The following PDE6A variants were observed in gnomAD, a reference collection of about 807,000 sequenced individuals.
PDE6A encodes rod cGMP-specific 3',5'-cyclic phosphodiesterase subunit alpha.
Under a neutral mutation model 106.3 loss-of-function variants are expected in PDE6A, and 84 were observed. The observed-to-expected ratio is 0.79, with a 90% CI of 0.66 to 0.95. The LOEUF (loss-of-function observed/expected upper bound fraction) is 0.95, where lower values mean the gene tolerates loss of function less well. Among genes scored for constraint, PDE6A ranks in the 40% least tolerant of loss-of-function variants. The pLI is 0.00. For synonymous variants in PDE6A, 394 were observed against 386.6 expected, an observed-to-expected ratio of 1.02 and a Z score of -0.23; for missense variants, 1,052 against 1,084.9, an observed-to-expected ratio of 0.97 and a Z score of 0.43.
At chr5:149,880,373 G>A (rs1398684430) in intron 17 of PDE6A, among the ~76,000 whole-genome samples, 4 of 152,100 alleles carry the variant, frequency 2.6e-5, no homozygotes, top group Non-Finnish European at 4.4e-5. Flanking sequence ...GAGCCATTTT[G>A]AAATGTCCAG....
At chr5:149,894,054 G>A (rs1042907766) in intron 13 of PDE6A, among the ~76,000 whole-genome samples, 1 of 152,172 alleles carries the variant, frequency 6.6e-6, no homozygotes, top group Non-Finnish European at 1.5e-5. Context: ...ATTTAAAGCT[G>A]ATTATACATT....
In PDE6A at chr5:149,884,867, T is replaced by C; in HGVS notation, c.1839A>G (p.Lys613=). The change falls in exon 15 of 22, where the codon AAA becomes AAG. Residue 613 remains lysine (K), a splice_region_variant and synonymous_variant. Transcript: ENST00000255266. ...GGAGCTTGGCCAGTGGGTTCTGGGA[T>C]CTGAATGAGAAAGAGAGAGAATCAA... is the stretch of plus-strand genomic sequence containing the variant. The part of the protein sequence containing the change: ...HRGTNNLYQM[K]SQNPLAKLHG... 6.2e-7 allele frequency: 1 copy of C among 1,611,930 alleles called. No individual in the cohort carries two copies.
intron 8 of PDE6A, among the ~76,000 whole-genome samples, chr5:149,900,548 A>G (rs967642089): frequency 6.6e-6 from 1 of 151,696 alleles, no homozygotes; most frequent in East Asian, 1.9e-4. Flanking sequence ...AGAGAGTTAC[A>G]TTATGGAACT....
chr5:149,911,993 A>G lies in PDE6A; in HGVS notation c.998+2950T>C, dbSNP rs146627101. Among the ~76,000 whole-genome samples, 23 of 152,276 alleles carry G rather than the reference A, an allele frequency of 1.5e-4. No homozygotes were observed. The East Asian group carries it at 4.2e-3, about 28-fold the overall frequency. On this transcript the variant is annotated intron_variant, in intron 6 of 21. Transcript: ENST00000255266. The stretch of plus-strand genomic sequence containing the variant: ...CATAGTGAGACTGTCTCTATAAAAC[A>G]CTAACACGCTAATTAAATAAATAAA...
intron 10 of PDE6A, 148 bp from the exon 11 acceptor site, chr5:149,896,924 G>T: frequency 1.1e-6 from 1 of 882,652 alleles, no homozygotes; most frequent in Non-Finnish European, 1.8e-6. Flanking sequence ...GATGCACAAG[G>T]TCCTGGGCTT....
Position 149,895,246 on chromosome 5 carries a change from CT to C in PDE6A, c.1664del (p.Lys555ArgfsTer22), listed in dbSNP as rs2113582639. On this transcript the variant is annotated frameshift_variant, in exon 13 of 22. Transcript: ENST00000255266. LOFTEE classifies it high-confidence loss of function. ...CGTGCCGCCAGTTGTGGTAGGTGATCTTGCGGTAGCCCTTACTCAGGGAGTA... is the reference window on the plus strand; with the variant it reads ...CGTGCCGCCAGTTGTGGTAGGTGATCTGCGGTAGCCCTTACTCAGGGAGTA... ...FMYSLSKGYR[K>X]ITYHNWRHGF... 5 of 1,614,150 alleles carry C rather than the reference CT, an allele frequency of 3.1e-6. No individual in the cohort carries two copies. Among genetic ancestry groups the C allele is most frequent in the Non-Finnish European group, 4.2e-6 (5 of 1,179,982 alleles).
chr5:149,912,969 G>A (rs1753432165), intron 6 of PDE6A, among the ~76,000 whole-genome samples: 1 of 152,110 alleles, frequency 6.6e-6, no homozygotes, highest in South Asian at 2.1e-4. Context: ...TTAAGAGACA[G>A]ATAATGAGTT....
chr5:149,901,162 C>A (rs1359487517), intron 8 of PDE6A, among the ~76,000 whole-genome samples: 3 of 152,108 alleles, frequency 2.0e-5, no homozygotes, highest in African/African-American at 4.8e-5. Flanking sequence ...GTAATCTGCC[C>A]GCCTCGGTCT....
At chr5:149,865,087 A>G (rs1383805746) in intron 20 of PDE6A, among the ~76,000 whole-genome samples, 2 of 152,000 alleles carry the variant, frequency 1.3e-5, no homozygotes, top group Admixed American at 6.6e-5. Context: ...TAAAAATACA[A>G]AAATTAGCCC....
At chr5:149,867,489 C>A (rs971963806) in intron 19 of PDE6A, 1 of 609,056 alleles carries the variant, frequency 1.6e-6, no homozygotes, top group African/African-American at 1.8e-5. Flanking sequence ...CAGGGGCCCA[C>A]CCCCAGAGCT....
At chr5:149,943,116 A>G (rs1010672746) in intron 1 of PDE6A, among the ~76,000 whole-genome samples, 10 of 151,930 alleles carry the variant, frequency 6.6e-5, no homozygotes, top group African/African-American at 2.4e-4. Context: ...CTCAGTGGGG[A>G]GAAACCTTGG....
chr5:149,944,440 G>A lies in PDE6A; in HGVS notation c.234C>T (p.Ile78=), dbSNP rs764809964. 1.2e-6 allele frequency: 2 copies of A among 1,614,152 alleles called. No individual in the cohort carries two copies. The highest frequency in any genetic ancestry group is 4.5e-5 in the East Asian group (2 of 44,884). Residue 78 remains isoleucine (I), a synonymous_variant, in exon 1 of 22, where the codon ATC becomes ATT. Coordinates refer to ENST00000255266, the MANE Select transcript of PDE6A (RefSeq NM_000440.3). Reference sequence around the variant, plus strand: ...AGCACAGCTTCTTCATGACATTGAAGATGCATTTCTCTGTCTGTAAATTCT... The same window carrying A: ...AGCACAGCTTCTTCATGACATTGAAAATGCATTTCTCTGTCTGTAAATTCT... ...FQENLQTEKC[I]FNVMKKLCFL...
chr5:149,932,059 T>A, intron 3 of PDE6A: 1 of 1,489,636 alleles, frequency 6.7e-7, no homozygotes, highest in Non-Finnish European at 9.4e-7. Context: ...GCTACAGTAA[T>A]TGAATACACG....
chr5:149,930,938 C>T (rs978465121), intron 4 of PDE6A, 90 bp downstream of exon 4: 17 of 1,292,508 alleles, frequency 1.3e-5, no homozygotes, highest in East Asian at 9.2e-5. Flanking sequence ...CCTCTTCCCC[C>T]GTGCAATTGA....
chr5:149,902,696 C>A lies in PDE6A; in HGVS notation c.1113+952G>T, dbSNP rs1753023083. ...AATTAGCCGGGCGTAGTGGCGGGCGCCTGTAGTTCCAGCTACTTGGGAGGC... is the reference window on the plus strand; with the variant it reads ...AATTAGCCGGGCGTAGTGGCGGGCGACTGTAGTTCCAGCTACTTGGGAGGC... On this transcript the variant is annotated intron_variant, in intron 8 of 21. Transcript: ENST00000255266. Among the ~76,000 whole-genome samples, 4 of 151,736 alleles carry A rather than the reference C, an allele frequency of 2.6e-5. No homozygotes were observed. In the South Asian group the frequency reaches 8.3e-4, roughly 32 times the overall value.
In PDE6A at chr5:149,861,386, C is replaced by T. The variant is rs553937448; in HGVS notation, c.2507-415G>A. ...AAAGCTGGGCCAGGCACAGGGCTCA[C>T]GCCTGTAATCCCAACACTTCAGGAG... is the stretch of plus-strand genomic sequence containing the variant. On this transcript the variant is annotated intron_variant, in intron 21 of 21. Coordinates refer to ENST00000255266, the MANE Select transcript of PDE6A (RefSeq NM_000440.3). Among the ~76,000 whole-genome samples, 11 of 152,372 alleles carry T rather than the reference C, an allele frequency of 7.2e-5. No individual in the cohort carries two copies. The South Asian group carries it at 1.7e-3, about 23-fold the overall frequency.
At chr5:149,898,199 G>A (rs1443156283) in intron 10 of PDE6A, among the ~76,000 whole-genome samples, 164 bp downstream of exon 10, 4 of 152,282 alleles carry the variant, frequency 2.6e-5, no homozygotes, top group East Asian at 3.9e-4. Context: ...TTCATTAAAT[G>A]TTGAGGGCTG....
chr5:149,878,278 C>T (rs1454024137), intron 17 of PDE6A, among the ~76,000 whole-genome samples: 1 of 151,698 alleles, frequency 6.6e-6, no homozygotes, highest in East Asian at 1.9e-4. Flanking sequence ...TTGACTTTGA[C>T]AATGATTGAG....
chr5:149,931,239 C>G, intron 3 of PDE6A, 71 bp from the exon 4 acceptor site: 1 of 1,436,596 alleles, frequency 7.0e-7, no homozygotes, highest in Admixed American at 1.7e-5. Flanking sequence ...TGGAGAATAA[C>G]AACAATTCTG....
Sources: allele counts gnomAD v4.1 joint callset (sites outside exome capture counted in the v4.1 genomes callset), GRCh38; gene constraint gnomAD v4.1.1; transcripts MANE v1.5; gene names NCBI Gene and HGNC (gene_info 2026-07-23, HGNC 2026-07-21).